The following UBE2D1 variants were observed in gnomAD, a reference collection of about 807,000 sequenced individuals.
The protein encoded by UBE2D1 is ubiquitin-conjugating enzyme E2 D1.
A neutral mutation model predicts 24.6 loss-of-function variants in UBE2D1; 9 were observed. The ratio of observed to expected loss-of-function variants is 0.37; its 90% CI spans 0.22 to 0.64. The LOEUF is 0.64. Among genes scored for constraint, UBE2D1 ranks in the 30% least tolerant of loss-of-function variants. UBE2D1 has a pLI of 0.64. For missense variants in UBE2D1, 87 were observed against 177.1 expected (o/e 0.49, Z 2.89); for synonymous variants, 57 against 57.6 (o/e 0.99, Z 0.04).
In UBE2D1 at chr10:58,368,845, T is replaced by C; in HGVS notation, c.*80T>C. The C allele has an allele frequency of 1.1e-6, 1 of 923,530 alleles. No individual in the cohort carries two copies. The highest frequency in any genetic ancestry group is 1.6e-6 in the Non-Finnish European group (1 of 620,262). 57.2% of individuals were successfully genotyped at this position (923,530 alleles called of 1,614,324 possible). ...AACATTAGCAGTAAATTGAGCACTG[T>C]TTACTGTTTCATTGTACCATGAAAC... is the stretch of plus-strand genomic sequence containing the variant. On this transcript the variant is annotated 3_prime_UTR_variant, in exon 7 of 7. Transcript: ENST00000373910.
At chr10:58,341,155 G>A (rs777007407) in intron 1 of UBE2D1, among the ~76,000 whole-genome samples, 17 of 152,176 alleles carry the variant, frequency 1.1e-4, no homozygotes, top group Non-Finnish European at 2.2e-4. Context: ...TGAAACATTG[G>A]TTGTAGTTCA....
chr10:58,345,223 A>C (rs112705614), intron 1 of UBE2D1, among the ~76,000 whole-genome samples: 17,657 of 151,996 alleles, frequency 0.12, 2,177 homozygotes, highest in African/African-American at 0.31. Flanking sequence ...GTAATCCCAG[A>C]ACTTTGGGAG....
chr10:58,339,241 G>A (rs1006768287), intron 1 of UBE2D1, among the ~76,000 whole-genome samples: 16 of 152,094 alleles, frequency 1.1e-4, no homozygotes, highest in African/African-American at 3.9e-4. Flanking sequence ...GAGTAGCTGG[G>A]ACTACAGGCC....
chr10:58,357,055 A>G (rs1419355697), intron 1 of UBE2D1, among the ~76,000 whole-genome samples: 2 of 152,078 alleles, frequency 1.3e-5, no homozygotes. Context: ...ATATTCAAGA[A>G]GTGGGAATCT....
intron 1 of UBE2D1, chr10:58,361,016 T>C: frequency 2.1e-6 from 1 of 474,608 alleles, no homozygotes; most frequent in South Asian, 1.8e-5. Flanking sequence ...ACCTGTTTTC[T>C]GATATATTAT....
intron 1 of UBE2D1, among the ~76,000 whole-genome samples, chr10:58,339,418 TTTATTCC>T (rs1839938447): frequency 6.6e-6 from 1 of 152,210 alleles, no homozygotes; most frequent in Non-Finnish European, 1.5e-5. Flanking sequence ...AGGTCTGGTT[TTTATTCC>T]TGGCTGTGTG....
chr10:58,363,756 A>T, intron 4 of UBE2D1, 70 bp downstream of exon 4: 1 of 1,181,804 alleles, frequency 8.5e-7, no homozygotes, highest in East Asian at 2.4e-5. Context: ...AGCTCATTTG[A>T]TTATCTAGAG....
At chr10:58,368,660 A>G in intron 6 of UBE2D1, 60 bp from the exon 7 acceptor site, 4 of 1,238,098 alleles carry the variant, frequency 3.2e-6, no homozygotes, top group Non-Finnish European at 4.5e-6. Flanking sequence ...TTTATTAGAC[A>G]GATGCTTCTG....
At chr10:58,341,707 C>T (rs977380534) in intron 1 of UBE2D1, among the ~76,000 whole-genome samples, 5 of 152,062 alleles carry the variant, frequency 3.3e-5, no homozygotes, top group Admixed American at 6.6e-5. Context: ...CCCTGAAATA[C>T]GCATAGAAAA....
rs577508224 is a variant in UBE2D1, at chr10:58,355,321, G to A, written c.25-6017G>A. Among the ~76,000 whole-genome samples the A allele has an allele frequency of 3.9e-5, 6 of 152,310 alleles. No individual in the cohort carries two copies. The South Asian group carries it at 1.2e-3, about 32-fold the overall frequency. Reference sequence around the variant, plus strand: ...ACTGGGGGAATTTGGTCTTTACTAAGCAATGGGGAGCCACTGAAATAAAGT... The same window carrying A: ...ACTGGGGGAATTTGGTCTTTACTAAACAATGGGGAGCCACTGAAATAAAGT... On this transcript the variant is annotated intron_variant, in intron 1 of 6. Transcript: ENST00000373910.
At chr10:58,346,094 T>C (rs1018085157) in intron 1 of UBE2D1, among the ~76,000 whole-genome samples, 11 of 150,562 alleles carry the variant, frequency 7.3e-5, no homozygotes, top group Non-Finnish European at 3.0e-5. Context: ...CACTGCAACC[T>C]CTGCCTCCCA....
At chr10:58,359,411 C>T (rs975817907) in intron 1 of UBE2D1, among the ~76,000 whole-genome samples, 1 of 152,028 alleles carries the variant, frequency 6.6e-6, no homozygotes, top group African/African-American at 2.4e-5. Flanking sequence ...TGTGTGTTCC[C>T]ACAAAAATGT....
At chr10:58,351,971 A>G (rs956945447) in intron 1 of UBE2D1, among the ~76,000 whole-genome samples, 4 of 152,066 alleles carry the variant, frequency 2.6e-5, no homozygotes, top group African/African-American at 9.7e-5. Flanking sequence ...ACGTAACTGT[A>G]TATTATTTGA....
rs1176255519 is a variant in UBE2D1, at chr10:58,343,448, A to G, written c.24+8223A>G. Among the ~76,000 whole-genome samples, 13 of 152,310 alleles carry G rather than the reference A, an allele frequency of 8.5e-5. No homozygotes were observed. In the East Asian group the frequency reaches 9.6e-4, roughly 11 times the overall value. The stretch of plus-strand genomic sequence containing the variant: ...TCTTTTTCATATTATAAATTGCTGT[A>G]AGGAAAGCTGGAAAATCACTGTTCC... On this transcript the variant is annotated intron_variant, in intron 1 of 6. Transcript: ENST00000373910.
chr10:58,347,351 T>C (rs1840027721), intron 1 of UBE2D1, among the ~76,000 whole-genome samples: 1 of 152,188 alleles, frequency 6.6e-6, no homozygotes, highest in Admixed American at 6.5e-5. Flanking sequence ...CTGTAAGCCT[T>C]CATAAAACAG....
intron 1 of UBE2D1, among the ~76,000 whole-genome samples, chr10:58,342,436 T>C (rs1478485407): frequency 6.6e-6 from 1 of 152,160 alleles, no homozygotes; most frequent in East Asian, 1.9e-4. Context: ...AATCTGATTG[T>C]TCTCATTCTA....
chr10:58,352,942 A>G (rs531845346), intron 1 of UBE2D1, among the ~76,000 whole-genome samples: 3 of 152,258 alleles, frequency 2.0e-5, no homozygotes, highest in African/African-American at 7.2e-5. Context: ...CTTTAGTGAC[A>G]CATTCAGAAG....
chr10:58,365,353 T>C (rs939104679), intron 5 of UBE2D1, among the ~76,000 whole-genome samples: 1 of 152,168 alleles, frequency 6.6e-6, no homozygotes, highest in African/African-American at 2.4e-5. Flanking sequence ...TTGGGACTGG[T>C]TGTCCCATTC....
In UBE2D1 at chr10:58,368,782, C is replaced by A; in HGVS notation, c.*17C>A. On this transcript the variant is annotated 3_prime_UTR_variant, in exon 7 of 7. Coordinates refer to ENST00000373910, the MANE Select transcript of UBE2D1 (RefSeq NM_003338.5). ...GCAATGTAAAAATCAAAAACATTTT[C>A]ATATATACCAGAGTACTGTAAAATC... 6.4e-7 allele frequency: 1 copy of A among 1,558,268 alleles called. No individual in the cohort carries two copies. Among genetic ancestry groups the A allele is most frequent in the South Asian group, 1.2e-5 (1 of 85,464 alleles).
Sources: gnomAD v4.1 joint callset for allele counts (sites outside exome capture counted in the v4.1 genomes callset) on GRCh38, gnomAD v4.1.1 for gene constraint, MANE v1.5 for transcripts, NCBI Gene and HGNC (gene_info 2026-07-23, HGNC 2026-07-21) for gene names.